Variants in PDCD11 observed in about 807,000 individuals in gnomAD.
The protein encoded by PDCD11 is programmed cell death 11, also known as protein RRP5 homolog.
Under a neutral mutation model 198.9 loss-of-function variants are expected in PDCD11, and 97 were observed. The observed-to-expected ratio is 0.49, with a 90% CI of 0.41 to 0.58. PDCD11 has a LOEUF of 0.58. Ranked by LOEUF, PDCD11 falls within the 20% of genes least tolerant of loss-of-function variation. The pLI, the probability that PDCD11 is intolerant of heterozygous loss-of-function variation, is 0.00. For missense variants in PDCD11, 2,102 were observed against 2,312.7 expected (o/e 0.91, Z 1.87); for synonymous variants, 893 against 918.0 (o/e 0.97, Z 0.49).
In PDCD11 at chr10:103,443,212, A is replaced by G; in HGVS notation, c.5003A>G (p.Glu1668Gly). 1 of 1,607,102 alleles carries G rather than the reference A, an allele frequency of 6.2e-7. No individual in the cohort carries two copies. Among genetic ancestry groups the G allele is most frequent in the Non-Finnish European group, 8.5e-7 (1 of 1,174,698 alleles). ...GTGTGGGTGGCTCTGCTGAACCTGG[A>G]GAACATGTACGGCTCTCAGGAGTCC... ...LNVWVALLNLENMYGSQESLT... is the reference protein window; with the variant it reads ...LNVWVALLNLGNMYGSQESLT... Residue 1668 changes from glutamate (E) to glycine (G), a missense_variant, in exon 33 of 36, where the codon GAG becomes GGG. Glu to Gly is a moderately conservative substitution (Grantham distance 98). Transcript: ENST00000369797.
Position 103,425,156 on chromosome 10 carries a change from C to T in PDCD11, c.2936C>T (p.Thr979Ile). 6.2e-7 allele frequency: 1 copy of T among 1,614,158 alleles called. No homozygotes were observed. Among genetic ancestry groups the T allele is most frequent in the South Asian group, 1.1e-5 (1 of 91,084 alleles). ...KLQVGQGVSLTLKTTEPGVTG... is the reference protein window; with the variant it reads ...KLQVGQGVSLILKTTEPGVTG... ...CAGGTGGGACAGGGTGTCTCCCTAA[C>T]CCTCAAGACCACAGAACCAGGAGTG... Residue 979 changes from threonine (T) to isoleucine (I), a missense_variant, in exon 20 of 36, where the codon ACC (threonine) becomes ATC (isoleucine). By Grantham distance (89) the Thr-to-Ile change is moderately conservative. Transcript: ENST00000369797.
chr10:103,434,361 G>A lies in PDCD11; in HGVS notation c.3667+11G>A, dbSNP rs1391856785. On this transcript the variant is annotated intron_variant, in intron 24 of 35. Transcript: ENST00000369797. ...GTCTGTCCCTCACAGGTGTGGGGAT[G>A]AAACAGTGCCTGGTCGGGGAAGGGG... The A allele has an allele frequency of 6.5e-7, 1 of 1,540,530 alleles. No individual in the cohort carries two copies. The highest frequency in any genetic ancestry group is 2.2e-5 in the East Asian group (1 of 44,524).
intron 15 of PDCD11, 41 bp from the exon 16 acceptor site, chr10:103,419,497 A>G: frequency 1.3e-6 from 2 of 1,589,684 alleles, no homozygotes; most frequent in Non-Finnish European, 1.7e-6. Context: ...TGGACATTTC[A>G]TCTGCCCTTT....
chr10:103,416,891 G>C, intron 13 of PDCD11, 149 bp downstream of exon 13: 1 of 896,330 alleles, frequency 1.1e-6, no homozygotes, highest in Middle Eastern at 3.6e-4. Context: ...TGGAGGAGAC[G>C]GGGAACAGAA....
intron 18 of PDCD11, 122 bp from the exon 19 acceptor site, chr10:103,423,421 G>T: frequency 1.3e-6 from 1 of 756,718 alleles, no homozygotes. Context: ...GGCCCGTATG[G>T]ACCCAGGACA....
Position 103,444,528 on chromosome 10 carries a change from A to G in PDCD11, c.5290A>G (p.Ile1764Val), listed in dbSNP as rs370191506. Residue 1764 changes from isoleucine to valine, a missense_variant, in exon 35 of 36, where the codon ATT becomes GTT. Transcript: ENST00000369797. ...CLPSKEHVDV[I>V]AKFAQLEFQL... ...TCCTCTCCCTGCAGATGTGGATGTC[A>G]TTGCCAAGTTTGCCCAGCTTGAGTT... 1.9e-6 allele frequency: 3 copies of G among 1,614,142 alleles called. No individual in the cohort carries two copies. The highest frequency in any genetic ancestry group is 2.5e-6 in the Non-Finnish European group (3 of 1,180,014).
intron 21 of PDCD11, among the ~76,000 whole-genome samples, chr10:103,427,742 C>G (rs1466677277): frequency 6.6e-6 from 1 of 152,128 alleles, no homozygotes; most frequent in Non-Finnish European, 1.5e-5. Flanking sequence ...GTTATTTCAA[C>G]CTAGACGACT....
At chr10:103,402,688 C>T (rs1016344069) in intron 3 of PDCD11, among the ~76,000 whole-genome samples, 3 of 152,110 alleles carry the variant, frequency 2.0e-5, no homozygotes, top group African/African-American at 4.8e-5. Context: ...ATCCACCCGC[C>T]TCAGCCTCCC....
intron 21 of PDCD11, among the ~76,000 whole-genome samples, chr10:103,431,714 C>T (rs2031943175): frequency 6.6e-6 from 1 of 152,074 alleles, no homozygotes; most frequent in African/African-American, 2.4e-5. Context: ...GTCAGAAGCC[C>T]TGATTTTAAC....
chr10:103,401,900 G>A (rs1429834438), intron 3 of PDCD11, among the ~76,000 whole-genome samples: 3 of 151,952 alleles, frequency 2.0e-5, no homozygotes, highest in Non-Finnish European at 2.9e-5. Flanking sequence ...CCGCCACCAC[G>A]CCCAGCTAAG....
Position 103,405,074 on chromosome 10 carries a change from T to G in PDCD11, c.455T>G (p.Val152Gly), listed in dbSNP as rs996580216. 6.2e-7 allele frequency: 1 copy of G among 1,614,122 alleles called. No individual in the cohort carries two copies. Among genetic ancestry groups the G allele is most frequent in the Non-Finnish European group, 8.5e-7 (1 of 1,179,990 alleles). Residue 152 changes from valine to glycine, a missense_variant, in exon 5 of 36, where the codon GTG becomes GGG. Physicochemically the swap from Val to Gly is moderately radical, Grantham distance 109. Coordinates refer to ENST00000369797, the MANE Select transcript of PDCD11 (RefSeq NM_014976.2). ...TCACCTGGAATGCTGGTAAGATGTG[T>G]GGTGAGCAGTCTGGGCATCACAGAC... Reference protein sequence around the residue: ...LFSPGMLVRCVVSSLGITDRG... With the variant: ...LFSPGMLVRCGVSSLGITDRG...
chr10:103,442,760 C>T (rs1415473773), intron 32 of PDCD11, among the ~76,000 whole-genome samples: 1 of 152,360 alleles, frequency 6.6e-6, no homozygotes, highest in East Asian at 1.9e-4. Flanking sequence ...TCACTACATA[C>T]CTGGGCGAAA....
At chr10:103,432,037 A>G in intron 21 of PDCD11, 92 bp from the exon 22 acceptor site, 1 of 911,582 alleles carries the variant, frequency 1.1e-6, no homozygotes, top group Admixed American at 1.7e-5. Context: ...AGTCCCGTAC[A>G]GTCAATCCGT....
chr10:103,416,428 A>T, intron 12 of PDCD11, 63 bp from the exon 13 acceptor site: 1 of 1,575,572 alleles, frequency 6.3e-7, no homozygotes, highest in Non-Finnish European at 8.7e-7. Flanking sequence ...GAGGTTGCAG[A>T]GACCAGCTCA....
At chr10:103,413,060 CT>C in intron 8 of PDCD11, 55 bp from the exon 9 acceptor site, 1 of 1,383,862 alleles carries the variant, frequency 7.2e-7, no homozygotes, top group South Asian at 1.2e-5. Context: ...GGAAGGTCTG[CT>C]CTAGGGTGCT....
chr10:103,420,276 T>C (rs1005406265), intron 16 of PDCD11, among the ~76,000 whole-genome samples: 15 of 152,150 alleles, frequency 9.9e-5, no homozygotes, highest in African/African-American at 3.6e-4. Context: ...TTGAAGGCCT[T>C]AGTCTCCAGT....
chr10:103,404,928 C>A, intron 4 of PDCD11, 94 bp from the exon 5 acceptor site: 1 of 1,190,766 alleles, frequency 8.4e-7, no homozygotes, highest in Non-Finnish European at 1.2e-6. Flanking sequence ...TCTCTGGGGT[C>A]TGAGGATGAG....
chr10:103,436,567 TCAACCACTCA>T (rs1202338050), intron 25 of PDCD11, among the ~76,000 whole-genome samples: 2 of 152,172 alleles, frequency 1.3e-5, no homozygotes, highest in Non-Finnish European at 2.9e-5. Context: ...GCCTAAATTC[TCAACCACTCA>T]CAACCACTGC....
Position 103,401,506 on chromosome 10 carries a change from T to C in PDCD11, c.234+978T>C, listed in dbSNP as rs189569831. On this transcript the variant is annotated intron_variant, in intron 3 of 35. Coordinates refer to ENST00000369797, the MANE Select transcript of PDCD11 (RefSeq NM_014976.2). ...GGCTGGTCTGGAACTCCTGACCTCGTGATCTGCCTGCCTTGGCCTCCCAAA... is the reference window on the plus strand; with the variant it reads ...GGCTGGTCTGGAACTCCTGACCTCGCGATCTGCCTGCCTTGGCCTCCCAAA... Among the ~76,000 whole-genome samples, 38 of 152,284 alleles carry C rather than the reference T, an allele frequency of 2.5e-4. No homozygotes were observed. In the East Asian group the frequency reaches 7.4e-3, roughly 29 times the overall value.
Sources: gnomAD v4.1 joint callset for allele counts (sites outside exome capture counted in the v4.1 genomes callset) on GRCh38, gnomAD v4.1.1 for gene constraint, MANE v1.5 for transcripts, NCBI Gene and HGNC (gene_info 2026-07-23, HGNC 2026-07-21) for gene names.